Variants in SLC25A21 observed in about 807,000 individuals in gnomAD.
The protein encoded by SLC25A21 is mitochondrial 2-oxodicarboxylate carrier.
A neutral mutation model predicts 43.8 loss-of-function variants in SLC25A21; 47 were observed. The ratio of observed to expected loss-of-function variants is 1.07; its 90% CI spans 0.85 to 1.37. The LOEUF is 1.37. SLC25A21 is among the 40% of genes most tolerant of loss of function. The pLI, the probability that SLC25A21 is intolerant of heterozygous loss-of-function variation, is 0.00. For synonymous variants in SLC25A21, 131 were observed against 121.3 expected (o/e 1.08, Z -0.52); for missense variants, 352 against 350.2 (o/e 1.00, Z -0.04).
intron 2 of SLC25A21, among the ~76,000 whole-genome samples, chr14:36,843,593 A>G (rs763114108): frequency 6.8e-6 from 1 of 147,130 alleles, no homozygotes; most frequent in Non-Finnish European, 1.5e-5. Flanking sequence ...TAACATGACA[A>G]TATTTTGCTG....
At chr14:37,068,941 G>A (rs534005842) in intron 1 of SLC25A21, among the ~76,000 whole-genome samples, 12 of 152,242 alleles carry the variant, frequency 7.9e-5, no homozygotes, top group South Asian at 2.1e-4. Context: ...TTGGGAGGTC[G>A]AGGCGGGCAG....
At chr14:36,694,309 T>C (rs1882923352) in intron 7 of SLC25A21, among the ~76,000 whole-genome samples, 1 of 152,192 alleles carries the variant, frequency 6.6e-6, no homozygotes, top group African/African-American at 2.4e-5. Context: ...ATCCAGTCTA[T>C]CATTGATGGA....
intron 7 of SLC25A21, among the ~76,000 whole-genome samples, chr14:36,699,873 A>T (rs1883204794): frequency 6.6e-6 from 1 of 152,144 alleles, no homozygotes; most frequent in African/African-American, 2.4e-5. Flanking sequence ...TTGGCTAGGA[A>T]AGGGAAATCT....
intron 1 of SLC25A21, among the ~76,000 whole-genome samples, chr14:36,997,484 AG>A (rs1960397018): frequency 6.6e-6 from 1 of 152,220 alleles, no homozygotes; most frequent in African/African-American, 2.4e-5. Context: ...AATATGCATG[AG>A]ATGAGAAGTA....
intron 7 of SLC25A21, among the ~76,000 whole-genome samples, chr14:36,705,749 A>G (rs947857903): frequency 6.6e-6 from 1 of 152,234 alleles, no homozygotes; most frequent in Non-Finnish European, 1.5e-5. Context: ...AGAAAAATCT[A>G]GAATTATCCC....
At chr14:37,058,666 G>C (rs1467138590) in intron 1 of SLC25A21, among the ~76,000 whole-genome samples, 1 of 152,160 alleles carries the variant, frequency 6.6e-6, no homozygotes, top group Non-Finnish European at 1.5e-5. Context: ...GACATATATT[G>C]TTACAATATC....
In SLC25A21 at chr14:36,711,479, G is replaced by A. The variant is rs1243738871; in HGVS notation, c.442C>T (p.Pro148Ser). The change falls in exon 7 of 10, where the codon CCA becomes TCA. Residue 148 changes from proline (P) to serine (S), a missense_variant. Physicochemically the swap from Pro to Ser is moderately conservative, Grantham distance 74. Transcript: ENST00000331299. Reference protein sequence around the residue: ...QANRNTFAEQPSTVGYARQII... With the variant: ...QANRNTFAEQSSTVGYARQII... ...TGTCTTGCATAACCCACAGTGGATG[G>A]TTGCTGCAGAAGAGAGAAGCAAGGC... 14 of 1,613,574 alleles carry A rather than the reference G, an allele frequency of 8.7e-6. No individual in the cohort carries two copies. The highest frequency in any genetic ancestry group is 1.3e-5 in the African/African-American group (1 of 74,892).
chr14:37,092,834 G>A lies in SLC25A21; in HGVS notation c.70+79447C>T, dbSNP rs139460918. 4.8e-3 allele frequency among the ~76,000 whole-genome samples: 731 copies of A among 151,814 alleles called. 9 individuals carry two copies. The highest frequency in any genetic ancestry group is 0.017 in the African/African-American group (711 of 41,366). On this transcript the variant is annotated intron_variant, in intron 1 of 9. Coordinates refer to ENST00000331299, the MANE Select transcript of SLC25A21 (RefSeq NM_030631.4). ...GTCTTCATTGTTTAAGGCAACATGG[G>A]TGAGGTTCTGTTTTTCTTGTACCCA...
intron 1 of SLC25A21, among the ~76,000 whole-genome samples, chr14:37,029,343 A>G (rs1961158631): frequency 6.6e-6 from 1 of 152,186 alleles, no homozygotes; most frequent in Non-Finnish European, 1.5e-5. Context: ...TTAAAGAGGA[A>G]TGGTCCTACC....
intron 1 of SLC25A21, among the ~76,000 whole-genome samples, chr14:36,885,805 C>G (rs1381491774): frequency 6.6e-6 from 1 of 152,148 alleles, no homozygotes; most frequent in East Asian, 1.9e-4. Context: ...ACAATTGGAG[C>G]ATTCAGGATT....
At chr14:36,805,882 G>A (rs1888021701) in intron 3 of SLC25A21, among the ~76,000 whole-genome samples, 2 of 152,088 alleles carry the variant, frequency 1.3e-5, no homozygotes, top group South Asian at 2.1e-4. Flanking sequence ...ATGGTTACTA[G>A]AGGCTGGGAA....
At chr14:36,782,640 T>TG (rs1324651551) in intron 3 of SLC25A21, among the ~76,000 whole-genome samples, 1 of 152,230 alleles carries the variant, frequency 6.6e-6, no homozygotes, top group African/African-American at 2.4e-5. Context: ...TGGATGTACC[T>TG]GTTCCATCTC....
At chr14:37,148,120 G>A (rs905231511) in intron 1 of SLC25A21, among the ~76,000 whole-genome samples, 3 of 152,028 alleles carry the variant, frequency 2.0e-5, no homozygotes, top group East Asian at 1.9e-4. Context: ...TTACAGGCAT[G>A]AGCCACCACC....
intron 1 of SLC25A21, among the ~76,000 whole-genome samples, chr14:36,884,711 C>A (rs1890863530): frequency 6.6e-6 from 1 of 152,112 alleles, no homozygotes; most frequent in Non-Finnish European, 1.5e-5. Context: ...TTTTAATTTG[C>A]ATTTCTCTGA....
chr14:37,089,631 C>T (rs1962547019), intron 1 of SLC25A21, among the ~76,000 whole-genome samples: 1 of 152,112 alleles, frequency 6.6e-6, no homozygotes, highest in Non-Finnish European at 1.5e-5. Flanking sequence ...GGGGAGGAGA[C>T]TTTCTTAGAG....
chr14:36,914,627 G>A (rs986442931), intron 1 of SLC25A21, among the ~76,000 whole-genome samples: 1 of 151,992 alleles, frequency 6.6e-6, no homozygotes, highest in Non-Finnish European at 1.5e-5. Context: ...ACATAATCAG[G>A]GCTAATTGGT....
chr14:37,070,472 TATG>T (rs1270305655), intron 1 of SLC25A21, among the ~76,000 whole-genome samples: 2 of 152,346 alleles, frequency 1.3e-5, no homozygotes, highest in African/African-American at 4.8e-5. Context: ...GCATAGTTTG[TATG>T]ATATTATAAA....
chr14:36,922,137 TAAAA>T (rs564666171), intron 1 of SLC25A21, among the ~76,000 whole-genome samples: 6 of 131,230 alleles, frequency 4.6e-5, no homozygotes, highest in Non-Finnish European at 9.9e-5. Flanking sequence ...AGATTCTGCC[TAAAA>T]AAAAAAAAAA....
chr14:37,085,246 G>A (rs950251922), intron 1 of SLC25A21, among the ~76,000 whole-genome samples: 1 of 152,032 alleles, frequency 6.6e-6, no homozygotes, highest in Admixed American at 6.5e-5. Flanking sequence ...ACGCTCGTTG[G>A]ATGACATCAG....
Sources: gnomAD v4.1 joint callset for allele counts (sites outside exome capture counted in the v4.1 genomes callset) on GRCh38, gnomAD v4.1.1 for gene constraint, MANE v1.5 for transcripts, NCBI Gene and HGNC (gene_info 2026-07-23, HGNC 2026-07-21) for gene names.